The following AGPAT4 variants were observed in gnomAD, a reference collection of about 807,000 sequenced individuals.
AGPAT4 encodes 1-acyl-sn-glycerol-3-phosphate acyltransferase delta.
A neutral mutation model predicts 48.0 loss-of-function variants in AGPAT4; 15 were observed. That is an observed-to-expected ratio of 0.31 (90% CI 0.21 to 0.48). The LOEUF is 0.48. Ranked by LOEUF, AGPAT4 falls within the 20% of genes least tolerant of loss-of-function variation. AGPAT4 has a pLI of 0.99. For missense variants in AGPAT4, 314 were observed against 482.5 expected, an observed-to-expected ratio of 0.65 and a Z score of 3.27; for synonymous variants, 178 against 198.7, an observed-to-expected ratio of 0.90 and a Z score of 0.88.
intron 2 of AGPAT4, among the ~76,000 whole-genome samples, chr6:161,176,707 C>T (rs1406156987): frequency 6.6e-6 from 1 of 152,102 alleles, no homozygotes; most frequent in East Asian, 1.9e-4. Flanking sequence ...TTATTTTGCT[C>T]GTTAATTGAT....
intron 2 of AGPAT4, among the ~76,000 whole-genome samples, chr6:161,175,318 A>G (rs1780398654): frequency 6.6e-6 from 1 of 152,172 alleles, no homozygotes; most frequent in Admixed American, 6.5e-5. Flanking sequence ...TATTGCCTCA[A>G]TTTCAGAACT....
chr6:161,273,115 T>C (rs549236454), intron 1 of AGPAT4, among the ~76,000 whole-genome samples: 38 of 152,318 alleles, frequency 2.5e-4, no homozygotes, highest in Non-Finnish European at 4.4e-4. Context: ...AAGGAATTAA[T>C]TCCCCCTTAG....
rs1211756760 is a variant in AGPAT4 at position 161,217,789 on chromosome 6, C to T, written c.178+14247G>A. Reference sequence around the variant, plus strand: ...TCCAGCCAGAAACCTCCTCCCCTGACCCCGCCTGCCCAGGCCACTGCCCTG... The same window carrying T: ...TCCAGCCAGAAACCTCCTCCCCTGATCCCGCCTGCCCAGGCCACTGCCCTG... On this transcript the variant is annotated intron_variant, in intron 2 of 8. Coordinates refer to ENST00000320285, the MANE Select transcript of AGPAT4 (RefSeq NM_020133.3). The surrounding 1 kb of genome is among the most constrained non-coding windows in gnomAD (Gnocchi z 4.9). Among the ~76,000 whole-genome samples, 1 of 152,224 alleles carries T rather than the reference C, an allele frequency of 6.6e-6. No homozygotes were observed. The highest frequency in any genetic ancestry group is 1.9e-4 in the East Asian group (1 of 5,188).
At chr6:161,265,357 C>T (rs1188241961) in intron 1 of AGPAT4, among the ~76,000 whole-genome samples, 6 of 135,878 alleles carry the variant, frequency 4.4e-5, no homozygotes, top group Non-Finnish European at 4.7e-5. Flanking sequence ...TAGTACCCAC[C>T]GCTGGACTGG....
chr6:161,213,665 T>A (rs958406136), intron 2 of AGPAT4, among the ~76,000 whole-genome samples: 3 of 152,208 alleles, frequency 2.0e-5, no homozygotes, highest in Admixed American at 6.5e-5. Flanking sequence ...CTTTCATACC[T>A]GCCTACTGAT....
intron 2 of AGPAT4, among the ~76,000 whole-genome samples, chr6:161,181,015 T>C (rs1022772701): frequency 3.3e-5 from 5 of 152,134 alleles, no homozygotes; most frequent in African/African-American, 1.2e-4. Flanking sequence ...AGGGAAATGA[T>C]GGCACCCTCT....
In AGPAT4 at chr6:161,240,238, ACACACAC is replaced by A. The variant is rs1782448078; in HGVS notation, c.-89-7943_-89-7937del. Among the ~76,000 whole-genome samples, 1 of 130,754 alleles carries A rather than the reference ACACACAC, an allele frequency of 7.6e-6. No individual in the cohort carries two copies. The highest frequency in any genetic ancestry group is 7.4e-5 in the Admixed American group (1 of 13,534). The allele number at this position is 130,754 out of a possible 152,430, so 85.8% of individuals were successfully genotyped here. ...TTTGTGTATACACACACACACACAC[ACACACAC>A]ACACACACACACACACACACACTTA... On this transcript the variant is annotated intron_variant, in intron 1 of 8. Transcript: ENST00000320285. This position sits in a 1 kb window ranked among gnomAD's most constrained non-coding sequence, Gnocchi z 5.5.
chr6:161,188,685 G>A (rs1229253762), intron 2 of AGPAT4, among the ~76,000 whole-genome samples: 1 of 152,032 alleles, frequency 6.6e-6, no homozygotes, highest in East Asian at 1.9e-4. Context: ...GTTAAATCTG[G>A]CGATTCCAGT....
Position 161,158,243 on chromosome 6 carries a change from G to A in AGPAT4, c.349-3933C>T, listed in dbSNP as rs1779816293. Among the ~76,000 whole-genome samples, 1 of 152,150 alleles carries A rather than the reference G, an allele frequency of 6.6e-6. No individual in the cohort carries two copies. The highest frequency in any genetic ancestry group is 1.5e-5 in the Non-Finnish European group (1 of 68,034). On this transcript the variant is annotated intron_variant, in intron 3 of 8. Transcript: ENST00000320285. This position sits in a 1 kb window ranked among gnomAD's most constrained non-coding sequence, Gnocchi z 5.3. ...TTAAGACATACTGACAGTTCCCCCGGCAAAAGGTTCAATAGGCTATAACTA... is the reference window on the plus strand; with the variant it reads ...TTAAGACATACTGACAGTTCCCCCGACAAAAGGTTCAATAGGCTATAACTA...
chr6:161,230,846 A>G (rs1350288252), intron 2 of AGPAT4, among the ~76,000 whole-genome samples: 1 of 152,238 alleles, frequency 6.6e-6, no homozygotes, highest in Non-Finnish European at 1.5e-5. Flanking sequence ...AAGACATGGA[A>G]GCTCTTGCAC....
At position 161,222,337 on chromosome 6, in the gene AGPAT4, A is replaced by T. The variant is rs1338229142; in HGVS notation, c.178+9699T>A. 6.6e-6 allele frequency among the ~76,000 whole-genome samples: 1 copy of T among 152,146 alleles called. No homozygotes were observed. The highest frequency in any genetic ancestry group is 1.5e-5 in the Non-Finnish European group (1 of 68,038). ...TTTTTTCCAGTTTATAACATACATG[A>T]TCATTGTGTAAAATATAAGACATCC... On this transcript the variant is annotated intron_variant, in intron 2 of 8. Coordinates refer to ENST00000320285, the MANE Select transcript of AGPAT4 (RefSeq NM_020133.3). The surrounding 1 kb of genome is among the most constrained non-coding windows in gnomAD (Gnocchi z 5.9).
chr6:161,225,114 C>T lies in AGPAT4; in HGVS notation c.178+6922G>A, dbSNP rs1259279419. Among the ~76,000 whole-genome samples the T allele has an allele frequency of 1.3e-5, 2 of 150,436 alleles. No individual in the cohort carries two copies. The highest frequency in any genetic ancestry group is 2.5e-5 in the African/African-American group (1 of 40,000). On this transcript the variant is annotated intron_variant, in intron 2 of 8. Coordinates refer to ENST00000320285, the MANE Select transcript of AGPAT4 (RefSeq NM_020133.3). This position sits in a 1 kb window ranked among gnomAD's most constrained non-coding sequence, Gnocchi z 5.0. Reference sequence around the variant, plus strand: ...GATTATTACCTGCTCTACCCAGACTCATTCGGATTACCTGCTCCACCCTGA... The same window carrying T: ...GATTATTACCTGCTCTACCCAGACTTATTCGGATTACCTGCTCCACCCTGA...
Position 161,218,647 on chromosome 6 carries a change from T to C in AGPAT4, c.178+13389A>G, listed in dbSNP as rs929431678. 6.6e-6 allele frequency among the ~76,000 whole-genome samples: 1 copy of C among 152,120 alleles called. No individual in the cohort carries two copies. Among genetic ancestry groups the C allele is most frequent in the East Asian group, 1.9e-4 (1 of 5,186 alleles). On this transcript the variant is annotated intron_variant, in intron 2 of 8. Coordinates refer to ENST00000320285, the MANE Select transcript of AGPAT4 (RefSeq NM_020133.3). The surrounding 1 kb of genome is among the most constrained non-coding windows in gnomAD (Gnocchi z 4.7). ...CGCTCCACGGCCCTAGCACAGTGTATCCACATCAAATCTACTCAAAAACAG... is the reference window on the plus strand; with the variant it reads ...CGCTCCACGGCCCTAGCACAGTGTACCCACATCAAATCTACTCAAAAACAG...
rs1157842745 is a variant in AGPAT4, at chr6:161,243,168, C to CGTGGCT, written c.-89-10872_-89-10867dup. Among the ~76,000 whole-genome samples, 1 of 152,070 alleles carries CGTGGCT rather than the reference C, an allele frequency of 6.6e-6. No individual in the cohort carries two copies. Among genetic ancestry groups the CGTGGCT allele is most frequent in the East Asian group, 1.9e-4 (1 of 5,188 alleles). On this transcript the variant is annotated intron_variant, in intron 1 of 8. Coordinates refer to ENST00000320285, the MANE Select transcript of AGPAT4 (RefSeq NM_020133.3). The surrounding 1 kb of genome is among the most constrained non-coding windows in gnomAD (Gnocchi z 4.8). ...GATTTCATCATCGTCATTGCTGCTA[C>CGTGGCT]GTGGCTGTGGCTGTCAGCTCAATAC...
chr6:161,236,874 C>T lies in AGPAT4; in HGVS notation c.-89-4572G>A, dbSNP rs1400512720. Among the ~76,000 whole-genome samples, 1 of 152,114 alleles carries T rather than the reference C, an allele frequency of 6.6e-6. No homozygotes were observed. Among genetic ancestry groups the T allele is most frequent in the African/African-American group, 2.4e-5 (1 of 41,408 alleles). On this transcript the variant is annotated intron_variant, in intron 1 of 8. Coordinates refer to ENST00000320285, the MANE Select transcript of AGPAT4 (RefSeq NM_020133.3). The surrounding 1 kb of genome is among the most constrained non-coding windows in gnomAD (Gnocchi z 5.0). ...CCGAGATTGTGCCACTGCACTCCAGCCTGGGCGACAGAGTGAGACTCCATC... is the reference window on the plus strand; with the variant it reads ...CCGAGATTGTGCCACTGCACTCCAGTCTGGGCGACAGAGTGAGACTCCATC...
intron 1 of AGPAT4, among the ~76,000 whole-genome samples, chr6:161,268,412 A>G (rs912529244): frequency 1.3e-5 from 2 of 152,230 alleles, no homozygotes; most frequent in Non-Finnish European, 2.9e-5. Flanking sequence ...TGCGTGTGCC[A>G]TGATGGTTTG....
At chr6:161,199,457 A>C (rs192912165) in intron 2 of AGPAT4, among the ~76,000 whole-genome samples, 2 of 152,294 alleles carry the variant, frequency 1.3e-5, no homozygotes, top group Admixed American at 6.5e-5. Flanking sequence ...ACACACACAC[A>C]CATTGTTTCT....
rs1562315263 is a variant in AGPAT4, at chr6:161,154,115, C to T, written c.510+34G>A. On this transcript the variant is annotated intron_variant, in intron 4 of 8. Coordinates refer to ENST00000320285, the MANE Select transcript of AGPAT4 (RefSeq NM_020133.3). This position sits in a 1 kb window ranked among gnomAD's most constrained non-coding sequence, Gnocchi z 7.8. Reference sequence around the variant, plus strand: ...TCCCACGGTCACAGTCCTGCAGGAGCCCTTGGGACACAGCTGCTCTGGTGC... The same window carrying T: ...TCCCACGGTCACAGTCCTGCAGGAGTCCTTGGGACACAGCTGCTCTGGTGC... The T allele has an allele frequency of 5.0e-6, 8 of 1,613,602 alleles. No homozygotes were observed. Among genetic ancestry groups the T allele is most frequent in the Admixed American group, 1.7e-5 (1 of 60,010 alleles).
rs1236858929 is a variant in AGPAT4 at position 161,264,769 on chromosome 6, T to C, written c.-90+9169A>G. On this transcript the variant is annotated intron_variant, in intron 1 of 8. Coordinates refer to ENST00000320285, the MANE Select transcript of AGPAT4 (RefSeq NM_020133.3). This position sits in a 1 kb window ranked among gnomAD's most constrained non-coding sequence, Gnocchi z 6.8. ...GTTGGAATAACTGACCCCACTTCTGTTGACCTTTGAGAGCCTGAAAGCGAG... is the reference window on the plus strand; with the variant it reads ...GTTGGAATAACTGACCCCACTTCTGCTGACCTTTGAGAGCCTGAAAGCGAG... Among the ~76,000 whole-genome samples the C allele has an allele frequency of 6.6e-6, 1 of 152,076 alleles. No homozygotes were observed. The highest frequency in any genetic ancestry group is 1.5e-5 in the Non-Finnish European group (1 of 67,992).
Sources: gnomAD v4.1 joint callset for allele counts (sites outside exome capture counted in the v4.1 genomes callset) on GRCh38, gnomAD v4.1.1 for gene constraint, Gnocchi (gnomAD v3.1) non-coding constraint, MANE v1.5 for transcripts, NCBI Gene and HGNC (gene_info 2026-07-23, HGNC 2026-07-21) for gene names.